SZRD1: variants seen among roughly 807,000 people sequenced by gnomAD.
SZRD1 encodes SUZ RNA-binding domain-containing.
Under a neutral mutation model 17.6 loss-of-function variants are expected in SZRD1, and 7 were observed. The observed-to-expected ratio is 0.40, with a 90% CI of 0.23 to 0.75. The LOEUF (loss-of-function observed/expected upper bound fraction) is 0.75. Among genes scored for constraint, SZRD1 ranks in the 30% least tolerant of loss-of-function variants. SZRD1 has a pLI of 0.38. For missense variants in SZRD1, 178 were observed against 201.8 expected (o/e 0.88, Z 0.71); for synonymous variants, 77 against 77.9 (o/e 0.99, Z 0.06).
chr1:16,396,480 C>T lies in SZRD1; in HGVS notation c.*1340C>T, dbSNP rs749012277. ...GAATGAAGGCAGTTTATCCTCTGTC[C>T]CTGGAGCCTGGGGTTTGCTTTGGCT... On this transcript the variant is annotated 3_prime_UTR_variant, in exon 4 of 4. Transcript: ENST00000401088. 2.0e-5 allele frequency: 3 copies of T among 152,200 alleles called. No individual in the cohort carries two copies. Among genetic ancestry groups the T allele is most frequent in the Non-Finnish European group, 4.4e-5 (3 of 68,052 alleles). The allele number at this position is 152,200 out of a possible 1,614,324, so 9.4% of individuals were successfully genotyped here. A position where few individuals can be genotyped will look rare whatever the true frequency, so the allele number is the denominator to read the frequency against.
Position 16,396,629 on chromosome 1 carries a change from C to G in SZRD1, c.*1489C>G, listed in dbSNP as rs564902073. ...ATCCCTCAGCCAGCCAGACAGCCTC[C>G]CTGCTCCTGACCAGCAGATACGTTT... On this transcript the variant is annotated 3_prime_UTR_variant, in exon 4 of 4. Coordinates refer to ENST00000401088, the MANE Select transcript of SZRD1 (RefSeq NM_001114600.3). 1 of 152,934 alleles carries G rather than the reference C, an allele frequency of 6.5e-6. No homozygotes were observed. The highest frequency in any genetic ancestry group is 1.9e-4 in the East Asian group (1 of 5,196). 9.5% of individuals were successfully genotyped at this position (152,934 alleles called of 1,614,324 possible). A position where few individuals can be genotyped will look rare whatever the true frequency, so the allele number is the denominator to read the frequency against.
rs1468775186 is a variant in SZRD1 at position 16,391,399 on chromosome 1, A to C, written c.76A>C (p.Lys26Gln). ...GGAAATAGACAGACGGTTGGAAAAA[A>C]AACTGAAGATCACACAAAAAGAGAG... ...SGEIDRRLEK[K>Q]LKITQKESRK... The change falls in exon 2 of 4, where the codon AAA becomes CAA. Residue 26 changes from lysine to glutamine, a missense_variant. Transcript: ENST00000401088. This position sits in a 1 kb window ranked among gnomAD's most constrained non-coding sequence, Gnocchi z 4.3. 6.5e-7 allele frequency: 1 copy of C among 1,549,346 alleles called. No homozygotes were observed.
rs752837537 is a variant in SZRD1 at position 16,393,360 on chromosome 1, C to T, written c.234C>T (p.Thr78=). ...SNGVVSSPNS[T]SRPTLPVKSL... is the part of the protein sequence containing the mutation. Reference sequence around the variant, plus strand: ...GTGTGGTCAGCAGCCCCAACTCCACCAGCAGGCCCACCCTTCCAGTCAAGT... The same window carrying T: ...GTGTGGTCAGCAGCCCCAACTCCACTAGCAGGCCCACCCTTCCAGTCAAGT... Residue 78 remains threonine (T), a synonymous_variant, in exon 3 of 4, where the codon ACC becomes ACT. Coordinates refer to ENST00000401088, the MANE Select transcript of SZRD1 (RefSeq NM_001114600.3). The surrounding 1 kb of genome is among the most constrained non-coding windows in gnomAD (Gnocchi z 5.6). The T allele has an allele frequency of 3.7e-6, 6 of 1,614,240 alleles. No individual in the cohort carries two copies. The highest frequency in any genetic ancestry group is 5.1e-6 in the Non-Finnish European group (6 of 1,180,050).
intron 1 of SZRD1, among the ~76,000 whole-genome samples, chr1:16,386,521 T>A (rs1169063547): frequency 1.3e-5 from 2 of 152,096 alleles, no homozygotes; most frequent in Non-Finnish European, 2.9e-5. Flanking sequence ...AGAGCATGAG[T>A]CTGAGAGCAG....
intron 1 of SZRD1, among the ~76,000 whole-genome samples, chr1:16,373,497 T>G (rs2082946253): frequency 6.6e-6 from 1 of 150,424 alleles, no homozygotes; most frequent in Admixed American, 6.7e-5. Context: ...GAGAATCGCT[T>G]GAACCTGGGA....
intron 1 of SZRD1, among the ~76,000 whole-genome samples, chr1:16,368,471 A>G (rs760132222): frequency 3.0e-4 from 43 of 142,546 alleles, no homozygotes; most frequent in Non-Finnish European, 1.6e-5. Flanking sequence ...CTGGTTCAGC[A>G]TTTCTCTCAA....
Position 16,391,084 on chromosome 1 carries a change from C to A in SZRD1, c.52-291C>A, listed in dbSNP as rs2085214856. Among the ~76,000 whole-genome samples, 1 of 152,134 alleles carries A rather than the reference C, an allele frequency of 6.6e-6. No homozygotes were observed. Among genetic ancestry groups the A allele is most frequent in the Non-Finnish European group, 1.5e-5 (1 of 68,036 alleles). ...TAGGTTTAGAAGTTGATATGAGTGG[C>A]TCTGTGAAAGACAGATTACAGGTCA... On this transcript the variant is annotated intron_variant, in intron 1 of 3. Coordinates refer to ENST00000401088, the MANE Select transcript of SZRD1 (RefSeq NM_001114600.3). The surrounding 1 kb of genome is among the most constrained non-coding windows in gnomAD (Gnocchi z 4.3).
chr1:16,372,109 C>G (rs1010800295), intron 1 of SZRD1, among the ~76,000 whole-genome samples: 1 of 152,022 alleles, frequency 6.6e-6, no homozygotes, highest in Non-Finnish European at 1.5e-5. Context: ...ATGGCAAACA[C>G]TTTTTTCTTT....
At position 16,395,136 on chromosome 1, in the gene SZRD1, G is replaced by T; in HGVS notation, c.455G>T (p.Arg152Ile). 1 of 1,610,236 alleles carries T rather than the reference G, an allele frequency of 6.2e-7. No individual in the cohort carries two copies. Among genetic ancestry groups the T allele is most frequent in the South Asian group, 1.1e-5 (1 of 91,002 alleles). Reference sequence around the variant, plus strand: ...GGGTCTCAAGGCTTCAAACAGCGCAGATAAATGCAGGCAAGAAAAGATGCC... The same window carrying T: ...GGGTCTCAAGGCTTCAAACAGCGCATATAAATGCAGGCAAGAAAAGATGCC... ...PDGSQGFKQR[R>I] is the part of the protein sequence containing the mutation. The change falls in exon 4 of 4, where the codon AGA becomes ATA. Residue 152 changes from arginine to isoleucine, a missense_variant. Arg to Ile is a moderately conservative substitution (Grantham distance 97). Coordinates refer to ENST00000401088, the MANE Select transcript of SZRD1 (RefSeq NM_001114600.3).
intron 1 of SZRD1, among the ~76,000 whole-genome samples, chr1:16,371,572 C>T (rs1298087373): frequency 1.3e-5 from 2 of 151,780 alleles, no homozygotes; most frequent in African/African-American, 4.8e-5. Context: ...CACCATTCTC[C>T]TGCCTCAGCC....
intron 1 of SZRD1, among the ~76,000 whole-genome samples, chr1:16,376,973 G>A (rs1323994552): frequency 6.6e-6 from 1 of 152,020 alleles, no homozygotes; most frequent in African/African-American, 2.4e-5. Context: ...GCACCTAGCC[G>A]GCAGGATTTT....
intron 1 of SZRD1, among the ~76,000 whole-genome samples, chr1:16,389,958 G>T (rs2085196749): frequency 6.6e-6 from 1 of 152,200 alleles, no homozygotes; most frequent in Non-Finnish European, 1.5e-5. Context: ...AGTTCTTTGT[G>T]TGGGGCTGTC....
At chr1:16,368,108 T>G (rs2100681919) in intron 1 of SZRD1, 1 of 152,360 alleles carries the variant, frequency 6.6e-6, no homozygotes, top group South Asian at 2.1e-4. Flanking sequence ...CTCCAGAAAC[T>G]GTAGGAAAAT....
chr1:16,379,354 C>G (rs1335070031), intron 1 of SZRD1, among the ~76,000 whole-genome samples: 1 of 152,124 alleles, frequency 6.6e-6, no homozygotes, highest in Non-Finnish European at 1.5e-5. Context: ...CCGCCCGCCT[C>G]GTCCTCCCAA....
chr1:16,386,867 TATC>T (rs1308914807), intron 1 of SZRD1, among the ~76,000 whole-genome samples: 2 of 151,992 alleles, frequency 1.3e-5, no homozygotes, highest in Non-Finnish European at 2.9e-5. Flanking sequence ...AGATGACCAA[TATC>T]TAATGGTTTA....
At chr1:16,372,837 T>C (rs1056805215) in intron 1 of SZRD1, among the ~76,000 whole-genome samples, 3 of 152,184 alleles carry the variant, frequency 2.0e-5, no homozygotes, top group African/African-American at 7.2e-5. Context: ...ATACCAGGCA[T>C]GGAGGCCCTG....
At chr1:16,382,606 T>C (rs936456234) in intron 1 of SZRD1, among the ~76,000 whole-genome samples, 10 of 151,970 alleles carry the variant, frequency 6.6e-5, no homozygotes, top group African/African-American at 2.4e-4. Flanking sequence ...GCGATTCTCC[T>C]GCCTCAGTCT....
Position 16,391,438 on chromosome 1 carries a change from C to T in SZRD1, c.101+14C>T. On this transcript the variant is annotated intron_variant, in intron 2 of 3. Coordinates refer to ENST00000401088, the MANE Select transcript of SZRD1 (RefSeq NM_001114600.3). The surrounding 1 kb of genome is among the most constrained non-coding windows in gnomAD (Gnocchi z 4.3). ...ACAAAAAGAGAGGTAAGGCTGCTGT[C>T]TGGTCTGAGGGCTCATGCTCTCTGT... The T allele has an allele frequency of 6.5e-7, 1 of 1,547,228 alleles. No homozygotes were observed. Among genetic ancestry groups the T allele is most frequent in the Non-Finnish European group, 8.7e-7 (1 of 1,144,822 alleles).
intron 1 of SZRD1, among the ~76,000 whole-genome samples, chr1:16,381,903 C>T (rs1303481315): frequency 1.3e-5 from 2 of 151,926 alleles, no homozygotes; most frequent in South Asian, 2.1e-4. Context: ...CCAGCCTGGG[C>T]GACAGAGCAA....
Sources: allele counts gnomAD v4.1 joint callset (sites outside exome capture counted in the v4.1 genomes callset), GRCh38; gene constraint gnomAD v4.1.1; non-coding constraint Gnocchi (gnomAD v3.1); transcripts MANE v1.5; gene names NCBI Gene and HGNC (gene_info 2026-07-23, HGNC 2026-07-21).